EEF1AKMT4: variants seen among roughly 807,000 people sequenced by gnomAD.
EEF1AKMT4 encodes the protein eukaryotic translation elongation factor 1 alpha lysine specific methyltransferase 4.
In EEF1AKMT4, 17 loss-of-function variants were observed where a neutral mutation model predicts 23.0. The ratio of observed to expected loss-of-function variants is 0.74; its 90% CI spans 0.51 to 1.11. EEF1AKMT4 has a LOEUF of 1.11. EEF1AKMT4 is among the 50% of genes least tolerant of loss of function. EEF1AKMT4 has a pLI of 0.00. For synonymous variants in EEF1AKMT4, 140 were observed against 141.4 expected, an observed-to-expected ratio of 0.99 and a Z score of 0.07; for missense variants, 318 against 333.4, an observed-to-expected ratio of 0.95 and a Z score of 0.36.
chr3:184,258,468 C>G lies in EEF1AKMT4; in HGVS notation c.661C>G (p.Gln221Glu), dbSNP rs776750663. The change falls in exon 3 of 3, where the codon CAG becomes GAG. Residue 221 changes from glutamine to glutamate, a missense_variant. Transcript: ENST00000324557. ...MHKGGKLSVAQLALGAQILSP... is the reference protein window; with the variant it reads ...MHKGGKLSVAELALGAQILSP... ...CAAGGGCGGGAAGCTCAGTGTGGCC[C>G]AGCTGGCTCTGGGGGCCCAAATCCT... The G allele has an allele frequency of 7.4e-6, 12 of 1,613,888 alleles. No homozygotes were observed. In the East Asian group the frequency reaches 2.7e-4, roughly 36 times the overall value.
At chr3:184,250,143 G>T (rs1446588956) in intron 1 of EEF1AKMT4, among the ~76,000 whole-genome samples, 1 of 152,240 alleles carries the variant, frequency 6.6e-6, no homozygotes, top group Non-Finnish European at 1.5e-5. Context: ...CCAAGACCCT[G>T]TCCGGACCCT....
At chr3:184,250,474 A>G (rs1377524763) in intron 1 of EEF1AKMT4, among the ~76,000 whole-genome samples, 1 of 152,140 alleles carries the variant, frequency 6.6e-6, no homozygotes, top group Admixed American at 6.5e-5. Context: ...CCAGGGTGAT[A>G]CGATTCCCCA....
At position 184,252,719 on chromosome 3, in the gene EEF1AKMT4, G is replaced by A. The variant is rs573592891; in HGVS notation, c.196+2829G>A. Among the ~76,000 whole-genome samples the A allele has an allele frequency of 2.0e-5, 3 of 152,180 alleles. No individual in the cohort carries two copies. In the South Asian group the frequency reaches 6.2e-4, roughly 32 times the overall value. ...CCACTTTGGGAGGCCGAGGCGGGCG[G>A]GTCACCTGAGGTCAGGAGTTCGAGA... On this transcript the variant is annotated intron_variant, in intron 1 of 2. Coordinates refer to ENST00000324557, the MANE Select transcript of EEF1AKMT4 (RefSeq NM_032331.4).
intron 1 of EEF1AKMT4, among the ~76,000 whole-genome samples, chr3:184,250,850 A>G (rs1719507463): frequency 1.3e-5 from 2 of 152,168 alleles, no homozygotes; most frequent in Non-Finnish European, 2.9e-5. Context: ...TTGGGAGGCC[A>G]AGGCGGGCGG....
In EEF1AKMT4 at chr3:184,258,578, C is replaced by A. The variant is rs952217881; in HGVS notation, c.*3C>A. The A allele has an allele frequency of 5.7e-6, 9 of 1,570,390 alleles. No homozygotes were observed. In the Middle Eastern group the frequency reaches 1.0e-3, roughly 180 times the overall value. ...TCCTTAGTGCCATTCAGCTCTGAGG[C>A]CAGAGCATGGTCCTCCACCCTTCCT... On this transcript the variant is annotated 3_prime_UTR_variant, in exon 3 of 3. Coordinates refer to ENST00000324557, the MANE Select transcript of EEF1AKMT4 (RefSeq NM_032331.4).
chr3:184,249,810 A>C lies in EEF1AKMT4; in HGVS notation c.116A>C (p.Tyr39Ser), dbSNP rs778949682. 1 of 1,613,304 alleles carries C rather than the reference A, an allele frequency of 6.2e-7. No individual in the cohort carries two copies. The highest frequency in any genetic ancestry group is 1.1e-5 in the South Asian group (1 of 91,084). Reference sequence around the variant, plus strand: ...CAAGGCGCAGCCGATTCTGCCCCCTACGATTGGTTCGGGGACTTCTCCTCC... The same window carrying C: ...CAAGGCGCAGCCGATTCTGCCCCCTCCGATTGGTTCGGGGACTTCTCCTCC... ...RYQGAADSAPYDWFGDFSSFR... is the reference protein window; with the variant it reads ...RYQGAADSAPSDWFGDFSSFR... Residue 39 changes from tyrosine to serine, a missense_variant, in exon 1 of 3, where the codon TAC becomes TCC. Coordinates refer to ENST00000324557, the MANE Select transcript of EEF1AKMT4 (RefSeq NM_032331.4).
At chr3:184,250,915 C>G (rs1577112732) in intron 1 of EEF1AKMT4, among the ~76,000 whole-genome samples, 1 of 151,904 alleles carries the variant, frequency 6.6e-6, no homozygotes, top group South Asian at 2.1e-4. Context: ...GAAACCCCAT[C>G]TCTACTAAAA....
chr3:184,255,364 AG>A (rs1424087640), intron 1 of EEF1AKMT4, among the ~76,000 whole-genome samples: 1 of 152,174 alleles, frequency 6.6e-6, no homozygotes, highest in African/African-American at 2.4e-5. Flanking sequence ...CAGGGCTTGA[AG>A]AGGAACATGG....
intron 2 of EEF1AKMT4, among the ~76,000 whole-genome samples, chr3:184,258,054 A>G (rs2108452083): frequency 6.6e-6 from 1 of 152,250 alleles, no homozygotes; most frequent in African/African-American, 2.4e-5. Flanking sequence ...GTTATAGGAA[A>G]GTGGTGCCCC....
chr3:184,256,083 C>T (rs1379894184), intron 1 of EEF1AKMT4, among the ~76,000 whole-genome samples: 3 of 151,828 alleles, frequency 2.0e-5, no homozygotes, highest in Non-Finnish European at 4.4e-5. Flanking sequence ...CAGGACCAGC[C>T]TGACCAACAT....
chr3:184,258,421 A>T lies in EEF1AKMT4; in HGVS notation c.614A>T (p.His205Leu). The change falls in exon 3 of 3, where the codon CAC (histidine) becomes CTC (leucine). Residue 205 changes from histidine to leucine, a missense_variant. His to Leu is a moderately conservative substitution (Grantham distance 99). Coordinates refer to ENST00000324557, the MANE Select transcript of EEF1AKMT4 (RefSeq NM_032331.4). ...LRHATYGSGF[H>L]FHLYLMHKGG... is the part of the protein sequence containing the mutation. ...CATGCTACCTATGGCAGCGGTTTCCACTTCCATCTCTACCTCATGCACAAG... is the reference window on the plus strand; with the variant it reads ...CATGCTACCTATGGCAGCGGTTTCCTCTTCCATCTCTACCTCATGCACAAG... The T allele has an allele frequency of 6.2e-7, 1 of 1,613,838 alleles. No homozygotes were observed. The highest frequency in any genetic ancestry group is 1.1e-5 in the South Asian group (1 of 91,080).
At chr3:184,249,979 C>G in intron 1 of EEF1AKMT4, 89 bp downstream of exon 1, 1 of 1,440,544 alleles carries the variant, frequency 6.9e-7, no homozygotes, top group Non-Finnish European at 9.4e-7. Flanking sequence ...TCCCGCCTGT[C>G]TATCCCTCTT....
At position 184,249,741 on chromosome 3, in the gene EEF1AKMT4, G is replaced by A; in HGVS notation, c.47G>A (p.Arg16Gln). The A allele has an allele frequency of 6.2e-7, 1 of 1,612,726 alleles. No individual in the cohort carries two copies. The highest frequency in any genetic ancestry group is 1.3e-5 in the African/African-American group (1 of 75,060). The change falls in exon 1 of 3, where the codon CGG becomes CAG. Residue 16 changes from arginine to glutamine, a missense_variant. Arg to Gln is a conservative substitution (Grantham distance 43). Coordinates refer to ENST00000324557, the MANE Select transcript of EEF1AKMT4 (RefSeq NM_032331.4). Reference sequence around the variant, plus strand: ...AGGGCGCCTCCGGAGTTACCGGAGCGGAACTGCGGGTACCGCGAAGTCGAG... The same window carrying A: ...AGGGCGCCTCCGGAGTTACCGGAGCAGAACTGCGGGTACCGCGAAGTCGAG... ...AGRAPPELPE[R>Q]NCGYREVEYW...
At chr3:184,257,957 A>G (rs1003278081) in intron 2 of EEF1AKMT4, among the ~76,000 whole-genome samples, 4 of 152,148 alleles carry the variant, frequency 2.6e-5, no homozygotes, top group Non-Finnish European at 5.9e-5. Flanking sequence ...TCAGGCTCAC[A>G]AAGGCTGACA....
intron 1 of EEF1AKMT4, among the ~76,000 whole-genome samples, chr3:184,252,897 A>G (rs749411798): frequency 2.0e-5 from 3 of 149,768 alleles, no homozygotes; most frequent in Admixed American, 6.7e-5. Flanking sequence ...CAGTGAGCCA[A>G]GATTTCACCA....
intron 1 of EEF1AKMT4, among the ~76,000 whole-genome samples, chr3:184,255,494 T>A (rs1180252028): frequency 6.6e-6 from 1 of 152,186 alleles, no homozygotes; most frequent in East Asian, 1.9e-4. Context: ...GGGAGGCAAG[T>A]GGGGATTAAA....
chr3:184,256,184 ATTGT>A lies in EEF1AKMT4; in HGVS notation c.197-1285_197-1282del, dbSNP rs1482542623. 3.4e-5 allele frequency among the ~76,000 whole-genome samples: 5 copies of A among 149,160 alleles called. No individual in the cohort carries two copies. The East Asian group carries it at 1.0e-3, about 31-fold the overall frequency. On this transcript the variant is annotated intron_variant, in intron 1 of 2. Coordinates refer to ENST00000324557, the MANE Select transcript of EEF1AKMT4 (RefSeq NM_032331.4). ...AGCTACTTGAGGTTGAGGCAGGAGA[ATTGT>A]TTGAACCCAGCAGGCAGAGGTTGCA...
intron 1 of EEF1AKMT4, among the ~76,000 whole-genome samples, chr3:184,251,741 C>T (rs1257912775): frequency 6.6e-6 from 1 of 152,070 alleles, no homozygotes; most frequent in Non-Finnish European, 1.5e-5. Context: ...CAAAAAACCA[C>T]CTTGGACTCC....
rs1719870413 is a variant in EEF1AKMT4 at position 184,257,588 on chromosome 3, G to C, written c.312G>C (p.Val104=). 6.2e-7 allele frequency: 1 copy of C among 1,614,180 alleles called. No homozygotes were observed. Among genetic ancestry groups the C allele is most frequent in the South Asian group, 1.1e-5 (1 of 91,090 alleles). ...VAAMQARHAH[V]PQLRWETMDV... Reference sequence around the variant, plus strand: ...CCATGCAGGCTCGCCATGCCCATGTGCCGCAGCTGCGCTGGGAGACCATGG... The same window carrying C: ...CCATGCAGGCTCGCCATGCCCATGTCCCGCAGCTGCGCTGGGAGACCATGG... The change falls in exon 2 of 3, where the codon GTG becomes GTC. Residue 104 remains valine, a synonymous_variant. Transcript: ENST00000324557.
Sources: gnomAD v4.1 joint callset for allele counts (sites outside exome capture counted in the v4.1 genomes callset) on GRCh38, gnomAD v4.1.1 for gene constraint, MANE v1.5 for transcripts, NCBI Gene and HGNC (gene_info 2026-07-23, HGNC 2026-07-21) for gene names.